CDH13: variants seen among roughly 807,000 people sequenced by gnomAD.
CDH13 encodes cadherin 13.
Under a neutral mutation model 63.8 loss-of-function variants are expected in CDH13, and 24 were observed. That is an observed-to-expected ratio of 0.38 (90% CI 0.27 to 0.53). The LOEUF (loss-of-function observed/expected upper bound fraction) is 0.53. CDH13 is among the 20% of genes least tolerant of loss of function. The pLI, the probability that CDH13 is intolerant of heterozygous loss-of-function variation, is 0.85. For missense variants in CDH13, 1,049 were observed against 903.1 expected, an observed-to-expected ratio of 1.16 and a Z score of -2.07; for synonymous variants, 503 against 355.3, an observed-to-expected ratio of 1.42 and a Z score of -4.67.
chr16:83,159,459 T>C (rs2037353114), intron 4 of CDH13, among the ~76,000 whole-genome samples: 1 of 152,202 alleles, frequency 6.6e-6, no homozygotes, highest in South Asian at 2.1e-4. Context: ...TGGCGTTTAT[T>C]CTTTTGTAAC....
intron 6 of CDH13, among the ~76,000 whole-genome samples, chr16:83,368,854 T>A (rs112670491): frequency 7.2e-6 from 1 of 138,562 alleles, no homozygotes; most frequent in Non-Finnish European, 1.6e-5. Flanking sequence ...TATTTCATTC[T>A]TTTTTATGGC....
At chr16:83,002,043 A>T (rs1912990188) in intron 2 of CDH13, among the ~76,000 whole-genome samples, 1 of 152,220 alleles carries the variant, frequency 6.6e-6, no homozygotes, top group Non-Finnish European at 1.5e-5. Context: ...GAGCACTTCA[A>T]CGTGCCATAC....
intron 6 of CDH13, among the ~76,000 whole-genome samples, chr16:83,389,032 G>A (rs941027575): frequency 3.3e-5 from 5 of 152,336 alleles, no homozygotes; most frequent in East Asian, 1.9e-4. Flanking sequence ...AGAGCCGACA[G>A]GGAAGGGCTC....
At chr16:83,460,977 C>G (rs921749942) in intron 6 of CDH13, among the ~76,000 whole-genome samples, 1 of 102,130 alleles carries the variant, frequency 9.8e-6, no homozygotes, top group African/African-American at 4.2e-5. Context: ...TAGACCTTGT[C>G]TCAAAACACA....
intron 7 of CDH13, among the ~76,000 whole-genome samples, chr16:83,552,558 A>C (rs1324154595): frequency 6.6e-6 from 1 of 152,218 alleles, no homozygotes; most frequent in African/African-American, 2.4e-5. Flanking sequence ...ATTCACACTG[A>C]AAGTGCAAAT....
chr16:82,854,332 C>T (rs904343669), intron 1 of CDH13, among the ~76,000 whole-genome samples: 1 of 133,760 alleles, frequency 7.5e-6, no homozygotes, highest in South Asian at 2.6e-4. Context: ...AACCAGGAGG[C>T]GGGGCTTGCA....
chr16:83,290,034 G>C (rs1170854443), intron 5 of CDH13, among the ~76,000 whole-genome samples: 2 of 152,118 alleles, frequency 1.3e-5, no homozygotes, highest in Non-Finnish European at 2.9e-5. Context: ...GTACAGATTA[G>C]ATTGGCCTGT....
intron 1 of CDH13, among the ~76,000 whole-genome samples, chr16:82,749,858 A>G (rs1395929650): frequency 6.6e-6 from 1 of 151,764 alleles, no homozygotes; most frequent in Non-Finnish European, 1.5e-5. Flanking sequence ...ATTTATGCCT[A>G]TTGGAGGTGT....
intron 2 of CDH13, among the ~76,000 whole-genome samples, chr16:82,943,403 T>G (rs1904343991): frequency 6.6e-6 from 1 of 152,226 alleles, no homozygotes; most frequent in African/African-American, 2.4e-5. Context: ...AGTGAATGAT[T>G]TTTTCTTTTC....
rs190752632 is a variant in CDH13 at position 82,654,782 on chromosome 16, G to T, written c.45+27645G>T. 5.6e-3 allele frequency among the ~76,000 whole-genome samples: 856 copies of T among 152,010 alleles called. 28 individuals are homozygous for T. Among genetic ancestry groups the T allele is most frequent in the Non-Finnish European group, 1.6e-3 (109 of 67,992 alleles). On this transcript the variant is annotated intron_variant, in intron 1 of 13. Coordinates refer to ENST00000567109, the MANE Select transcript of CDH13 (RefSeq NM_001257.5). ...AAGAGGTGGGTACAGAAAGGATGAG[G>T]GCAGCTTCTCAGGTTATAGTATTAA...
intron 8 of CDH13, among the ~76,000 whole-genome samples, chr16:83,658,454 G>A (rs1417627278): frequency 1.3e-3 from 174 of 129,242 alleles, no homozygotes; most frequent in African/African-American, 5.6e-3. Flanking sequence ...ATCCTCACCA[G>A]CAAGGTCCCA....
intron 13 of CDH13, among the ~76,000 whole-genome samples, chr16:83,788,948 G>C (rs1348067928): frequency 6.6e-6 from 1 of 152,148 alleles, no homozygotes; most frequent in African/African-American, 2.4e-5. Flanking sequence ...TTAAAAACAG[G>C]TGTTACCACT....
chr16:83,410,357 A>G (rs1393664999), intron 6 of CDH13, among the ~76,000 whole-genome samples: 2 of 152,172 alleles, frequency 1.3e-5, no homozygotes, highest in Non-Finnish European at 2.9e-5. Context: ...TTTATCTCTT[A>G]TACAGCAATT....
intron 7 of CDH13, among the ~76,000 whole-genome samples, chr16:83,557,378 C>G (rs1216699433): frequency 1.3e-5 from 2 of 152,116 alleles, no homozygotes; most frequent in African/African-American, 4.8e-5. Flanking sequence ...TGACTCATCC[C>G]AAAACCATCC....
At chr16:83,090,419 C>G (rs952706304) in intron 3 of CDH13, among the ~76,000 whole-genome samples, 1 of 152,062 alleles carries the variant, frequency 6.6e-6, no homozygotes, top group Admixed American at 6.6e-5. Flanking sequence ...ACTAAAAATA[C>G]AAAAATGAGT....
chr16:83,748,825 A>C (rs1469832009), intron 11 of CDH13, among the ~76,000 whole-genome samples: 1 of 152,208 alleles, frequency 6.6e-6, no homozygotes, highest in Admixed American at 6.5e-5. Flanking sequence ...AGCTGTCCTC[A>C]TGGAGCTGAC....
intron 11 of CDH13, among the ~76,000 whole-genome samples, chr16:83,763,326 C>T (rs936863348): frequency 6.6e-6 from 1 of 152,182 alleles, no homozygotes; most frequent in Non-Finnish European, 1.5e-5. Context: ...CCTGTCTTCT[C>T]CTTCAGTCCT....
chr16:82,658,795 A>C (rs148495709), intron 1 of CDH13, among the ~76,000 whole-genome samples: 3 of 152,320 alleles, frequency 2.0e-5, no homozygotes, highest in Admixed American at 2.0e-4. Context: ...GCCTGGTACA[A>C]AGTCGATAGA....
intron 2 of CDH13, among the ~76,000 whole-genome samples, chr16:82,973,868 T>A (rs1357006850): frequency 2.6e-5 from 4 of 152,180 alleles, no homozygotes; most frequent in African/African-American, 4.8e-5. Flanking sequence ...ATGTAAATGA[T>A]CCTGTGTCAC....
Sources: gnomAD v4.1 joint callset for allele counts (sites outside exome capture counted in the v4.1 genomes callset) on GRCh38, gnomAD v4.1.1 for gene constraint, MANE v1.5 for transcripts, NCBI Gene and HGNC (gene_info 2026-07-23, HGNC 2026-07-21) for gene names.